RANBP2: variants seen among roughly 807,000 people sequenced by gnomAD.
The protein encoded by RANBP2 is RAN binding protein 2.
In RANBP2, 57 loss-of-function variants were observed where a neutral mutation model predicts 303.6. The ratio of observed to expected loss-of-function variants is 0.19; its 90% CI spans 0.15 to 0.23. The LOEUF (loss-of-function observed/expected upper bound fraction) is 0.23, where lower values mean the gene tolerates loss of function less well. RANBP2 is among the 10% of genes least tolerant of loss of function. RANBP2 has a pLI of 1.00. For synonymous variants in RANBP2, 1,167 were observed against 1,301.5 expected (o/e 0.90, Z 2.23); for missense variants, 3,138 against 3,780.8 (o/e 0.83, Z 4.46).
the RANBP2 span, among the ~76,000 whole-genome samples, chr2:109,215,464 A>G: frequency 6.6e-6 from 1 of 152,054 alleles, no homozygotes; most frequent in African/African-American, 2.4e-5. Flanking sequence ...ACTTTACACC[A>G]TCAGAACAGG....
At chr2:109,658,349 A>C in the RANBP2 span, among the ~76,000 whole-genome samples, 1 of 151,874 alleles carries the variant, frequency 6.6e-6, no homozygotes, top group African/African-American at 2.4e-5. Context: ...CGAGAGGCTG[A>C]GGCAGAGAAT....
the RANBP2 span, among the ~76,000 whole-genome samples, chr2:109,090,457 C>T: frequency 6.6e-6 from 1 of 151,762 alleles, no homozygotes; most frequent in African/African-American, 2.4e-5. Context: ...AAAGTTGAAA[C>T]AACAAAAATA....
At chr2:109,474,609 C>CA in the RANBP2 span, among the ~76,000 whole-genome samples, 9 of 152,206 alleles carry the variant, frequency 5.9e-5, no homozygotes, top group South Asian at 1.9e-3. Context: ...CAGGTTTGGG[C>CA]AGGGGGGGAG....
At chr2:109,631,297 T>C in the RANBP2 span, among the ~76,000 whole-genome samples, 3 of 152,282 alleles carry the variant, frequency 2.0e-5, no homozygotes, top group Admixed American at 2.0e-4. Context: ...AGCCCTACAC[T>C]CCTACCTCCA....
the RANBP2 span, among the ~76,000 whole-genome samples, chr2:109,018,621 T>C: frequency 6.6e-6 from 1 of 152,210 alleles, no homozygotes. Context: ...TGTTGAGCCA[T>C]AGGCTCTAGC....
the RANBP2 span, among the ~76,000 whole-genome samples, chr2:108,855,443 C>T: frequency 6.6e-6 from 1 of 151,270 alleles, no homozygotes; most frequent in African/African-American, 2.4e-5. Context: ...TAAAGAGTTG[C>T]GTTCAGGCTT....
chr2:109,403,740 G>A, the RANBP2 span, among the ~76,000 whole-genome samples: 4 of 152,178 alleles, frequency 2.6e-5, no homozygotes, highest in Non-Finnish European at 5.9e-5. Context: ...TGAACCTCTT[G>A]GAGCCCTGCA....
the RANBP2 span, among the ~76,000 whole-genome samples, chr2:109,562,703 T>G: frequency 6.6e-6 from 1 of 152,054 alleles, no homozygotes; most frequent in Non-Finnish European, 1.5e-5. Context: ...TCCACCTCAG[T>G]GCACAGAGGC....
intron 21 of RANBP2, among the ~76,000 whole-genome samples, 171 bp from the exon 22 acceptor site, chr2:108,772,314 TCAAA>T (rs1677564349): frequency 6.6e-6 from 1 of 152,006 alleles, no homozygotes; most frequent in South Asian, 2.1e-4. Flanking sequence ...TGAGAGCAGC[TCAAA>T]CAAGATGAGA....
the RANBP2 span, among the ~76,000 whole-genome samples, chr2:109,674,578 A>C: frequency 3.3e-5 from 5 of 152,162 alleles, no homozygotes; most frequent in Non-Finnish European, 7.4e-5. Flanking sequence ...ATGAGACCCC[A>C]TGTCAAAACA....
chr2:109,476,210 A>G, the RANBP2 span, among the ~76,000 whole-genome samples: 1 of 152,224 alleles, frequency 6.6e-6, no homozygotes, highest in African/African-American at 2.4e-5. Flanking sequence ...TCCTCCACTC[A>G]GCCCTGCCCC....
chr2:109,050,137 A>G, the RANBP2 span, among the ~76,000 whole-genome samples: 55 of 126,232 alleles, frequency 4.4e-4, no homozygotes, highest in Non-Finnish European at 9.7e-4. Context: ...AAGATTAAGT[A>G]TGAAAAAACT....
chr2:109,315,822 C>G, the RANBP2 span, among the ~76,000 whole-genome samples: 1 of 152,080 alleles, frequency 6.6e-6, no homozygotes, highest in Non-Finnish European at 1.5e-5. Flanking sequence ...GCTTTTCCAC[C>G]CTAGAATGAC....
rs928757106 is a variant in RANBP2, at chr2:108,749,199, C to T, written c.1273+70C>T. ...ATAAATTGCCCATAATCTTATTACCCAGAAATAACGACTTAATATTTTCCT... is the reference window on the plus strand; with the variant it reads ...ATAAATTGCCCATAATCTTATTACCTAGAAATAACGACTTAATATTTTCCT... On this transcript the variant is annotated intron_variant, in intron 9 of 28. Transcript: ENST00000283195. The T allele has an allele frequency of 5.6e-6, 9 of 1,606,416 alleles. No homozygotes were observed. In the African/African-American group the frequency reaches 6.7e-5, roughly 12 times the overall value.
chr2:109,250,526 A>G, the RANBP2 span, among the ~76,000 whole-genome samples: 4 of 152,010 alleles, frequency 2.6e-5, no homozygotes, highest in Admixed American at 6.5e-5. Flanking sequence ...TGGATTTTAA[A>G]GGATCTAGAA....
At chr2:108,720,996 C>T (rs1694193769) in intron 1 of RANBP2, among the ~76,000 whole-genome samples, 1 of 152,052 alleles carries the variant, frequency 6.6e-6, no homozygotes, top group Non-Finnish European at 1.5e-5. Context: ...TTCCAGTGAG[C>T]CGAGATCGCG....
At chr2:109,050,772 A>G in the RANBP2 span, among the ~76,000 whole-genome samples, 3 of 151,914 alleles carry the variant, frequency 2.0e-5, no homozygotes, top group Non-Finnish European at 2.9e-5. Context: ...TGTTATTTAG[A>G]TGTTCTTAAA....
chr2:108,863,164 T>C, the RANBP2 span, among the ~76,000 whole-genome samples: 2 of 152,210 alleles, frequency 1.3e-5, no homozygotes, highest in African/African-American at 2.4e-5. Flanking sequence ...CTTCCCTTTT[T>C]GCTGTTTTAA....
the RANBP2 span, among the ~76,000 whole-genome samples, chr2:108,945,201 C>T: frequency 2.6e-5 from 4 of 152,086 alleles, no homozygotes; most frequent in Non-Finnish European, 5.9e-5. Flanking sequence ...TGGGTGGGGG[C>T]GAGCTCCCCG....
Sources: gnomAD v4.1 joint callset for allele counts (sites outside exome capture counted in the v4.1 genomes callset) on GRCh38, gnomAD v4.1.1 for gene constraint, MANE v1.5 for transcripts, NCBI Gene and HGNC (gene_info 2026-07-23, HGNC 2026-07-21) for gene names.